Variants in LANCL3 observed in about 807,000 individuals in gnomAD.
LANCL3 encodes lanC-like protein 3.
Under a neutral mutation model 26.5 loss-of-function variants are expected in LANCL3, and 19 were observed. That is an observed-to-expected ratio of 0.72 (90% confidence interval 0.50 to 1.05). The LOEUF (loss-of-function observed/expected upper bound fraction) is 1.05. Among genes scored for constraint, LANCL3 ranks in the 50% least tolerant of loss-of-function variants. The pLI is 0.00. For missense variants in LANCL3, 318 were observed against 362.7 expected (o/e 0.88, Z 1.00); for synonymous variants, 160 against 166.6 (o/e 0.96, Z 0.30).
rs141979031 is a variant in LANCL3 at position 37,625,288 on chromosome X, T to C, written c.574-30400T>C. Among the ~76,000 whole-genome samples, 979 of 111,875 alleles carry C rather than the reference T, an allele frequency of 8.8e-3. 14 individuals are homozygous for C. The highest frequency in any genetic ancestry group is 0.029 in the African/African-American group (908 of 30,837). On this transcript the variant is annotated intron_variant, in intron 1 of 4. Coordinates refer to ENST00000378619, the MANE Select transcript of LANCL3 (RefSeq NM_001170331.2). ...AAAAGTTTTTATTTTTCCTCACTCA[T>C]GGGGCATCTCTGTGTGGATTCAGCT...
intron 1 of LANCL3, among the ~76,000 whole-genome samples, chrX:37,606,832 C>G (rs1479498839): frequency 3.6e-5 from 4 of 112,319 alleles, no homozygotes; most frequent in Non-Finnish European, 7.5e-5. Context: ...AACAGTGTTT[C>G]AAACACTTTT....
chrX:37,578,745 C>T (rs1259283880), intron 1 of LANCL3, among the ~76,000 whole-genome samples: 1 of 110,150 alleles, frequency 9.1e-6, no homozygotes, highest in African/African-American at 3.3e-5. Context: ...TTTGGGAGGC[C>T]GAGGCGGGCA....
intron 4 of LANCL3, among the ~76,000 whole-genome samples, chrX:37,671,029 T>A (rs1926671846): frequency 9.0e-6 from 1 of 111,664 alleles, no homozygotes; most frequent in Admixed American, 9.5e-5. Context: ...CTGAAGTTTA[T>A]CAATTCTAAT....
chrX:37,661,065 A>G (rs1463040770), intron 3 of LANCL3, among the ~76,000 whole-genome samples: 1 of 111,119 alleles, frequency 9.0e-6, no homozygotes, highest in East Asian at 2.8e-4. Context: ...GTTAGCCTCA[A>G]TCCTTCCATT....
chrX:37,609,392 C>A (rs1316174015), intron 1 of LANCL3, among the ~76,000 whole-genome samples: 1 of 111,486 alleles, frequency 9.0e-6, no homozygotes, highest in Non-Finnish European at 1.9e-5. Context: ...CCTGAAGCAG[C>A]TATGAGGGAC....
At chrX:37,597,854 A>G (rs1556419632) in intron 1 of LANCL3, among the ~76,000 whole-genome samples, 1 of 108,704 alleles carries the variant, frequency 9.2e-6, no homozygotes, top group Non-Finnish European at 1.9e-5. Context: ...AATTATAGTT[A>G]TGTTCATTGG....
chrX:37,621,936 G>C (rs1255524934), intron 1 of LANCL3, among the ~76,000 whole-genome samples: 2 of 111,608 alleles, frequency 1.8e-5, no homozygotes, highest in African/African-American at 6.5e-5. Flanking sequence ...GGTGCCGCGT[G>C]AGGATAGTTC....
chrX:37,615,525 T>C (rs1320402214), intron 1 of LANCL3, among the ~76,000 whole-genome samples: 2 of 112,214 alleles, frequency 1.8e-5, no homozygotes, highest in Non-Finnish European at 3.8e-5. Context: ...GGCTATTGAA[T>C]GATAACTAAA....
At chrX:37,590,222 CG>C (rs1569462300) in intron 1 of LANCL3, among the ~76,000 whole-genome samples, 2 of 112,324 alleles carry the variant, frequency 1.8e-5, no homozygotes, top group African/African-American at 6.5e-5. Context: ...CTTAAGTTCT[CG>C]TCTTTGTTTC....
intron 1 of LANCL3, among the ~76,000 whole-genome samples, chrX:37,626,245 T>C (rs1008196869): frequency 1.3e-4 from 15 of 112,349 alleles, no homozygotes; most frequent in African/African-American, 4.5e-4. Flanking sequence ...CCCTTTTCTC[T>C]GAGTTGGTGT....
rs1320457565 is a variant in LANCL3, at chrX:37,678,052, A to G, written c.*2239A>G. The G allele has an allele frequency of 1.8e-5, 2 of 111,947 alleles. No homozygotes were observed. The highest frequency in any genetic ancestry group is 3.8e-5 in the Non-Finnish European group (2 of 53,092). The allele number at this position is 111,947 out of a possible 1,213,427, so 9.2% of individuals were successfully genotyped here. On this transcript the variant is annotated 3_prime_UTR_variant, in exon 5 of 5. Transcript: ENST00000378619. Reference sequence around the variant, plus strand: ...GGCCTATCTGCCCTTTTAAGTTCTGATAGGTCTGATGATGATGTGCTAACC... The same window carrying G: ...GGCCTATCTGCCCTTTTAAGTTCTGGTAGGTCTGATGATGATGTGCTAACC...
intron 1 of LANCL3, among the ~76,000 whole-genome samples, chrX:37,590,901 A>ATACTGC (rs1924252597): frequency 8.9e-6 from 1 of 112,123 alleles, no homozygotes; most frequent in South Asian, 3.7e-4. Context: ...GTTCCCAGTG[A>ATACTGC]TACTGCTACT....
intron 1 of LANCL3, among the ~76,000 whole-genome samples, chrX:37,651,984 T>A (rs919364703): frequency 9.2e-6 from 1 of 108,282 alleles, no homozygotes; most frequent in Non-Finnish European, 1.9e-5. Context: ...ATGGACCCAT[T>A]CCTGACCTGT....
At chrX:37,626,837 C>T (rs782768390) in intron 1 of LANCL3, among the ~76,000 whole-genome samples, 3 of 111,900 alleles carry the variant, frequency 2.7e-5, no homozygotes, top group African/African-American at 9.7e-5. Flanking sequence ...ACCAAAGGCA[C>T]TGATTTTAAA....
At position 37,676,086 on chromosome X, in the gene LANCL3, T is replaced by A; in HGVS notation, c.*273T>A. 4.9e-6 allele frequency: 1 copy of A among 205,938 alleles called. No individual in the cohort carries two copies. Among genetic ancestry groups the A allele is most frequent in the East Asian group, 8.5e-5 (1 of 11,710 alleles). The allele number at this position is 205,938 out of a possible 1,213,427, so 17.0% of individuals were successfully genotyped here. A position where few individuals can be genotyped will look rare whatever the true frequency, so the allele number is the denominator to read the frequency against. On this transcript the variant is annotated 3_prime_UTR_variant, in exon 5 of 5. Coordinates refer to ENST00000378619, the MANE Select transcript of LANCL3 (RefSeq NM_001170331.2). Reference sequence around the variant, plus strand: ...ATAGGAAAAGGGGAAAGAGAAATGATCTGTTTTTCAGTTATGACATAGAAA... The same window carrying A: ...ATAGGAAAAGGGGAAAGAGAAATGAACTGTTTTTCAGTTATGACATAGAAA...
At chrX:37,620,835 C>G (rs1925135345) in intron 1 of LANCL3, among the ~76,000 whole-genome samples, 1 of 111,892 alleles carries the variant, frequency 8.9e-6, no homozygotes, top group Admixed American at 9.5e-5. Context: ...GACCTTGTCT[C>G]TGGAACAATC....
At chrX:37,661,829 C>T (rs1377805197) in intron 3 of LANCL3, among the ~76,000 whole-genome samples, 7 of 112,434 alleles carry the variant, frequency 6.2e-5, no homozygotes, top group Non-Finnish European at 9.4e-5. Flanking sequence ...ATTAATGATA[C>T]CTTATCTGTT....
At chrX:37,654,856 A>C (rs1235216712) in intron 1 of LANCL3, among the ~76,000 whole-genome samples, 1 of 112,061 alleles carries the variant, frequency 8.9e-6, no homozygotes, top group African/African-American at 3.3e-5. Flanking sequence ...CAACAGAGAG[A>C]GATCTAACAC....
intron 1 of LANCL3, among the ~76,000 whole-genome samples, chrX:37,603,825 T>C (rs959937102): frequency 8.9e-6 from 1 of 112,450 alleles, no homozygotes; most frequent in African/African-American, 3.2e-5. Flanking sequence ...TTGAAGTTGA[T>C]AGGCATGAGC....
Sources: allele counts gnomAD v4.1 joint callset (sites outside exome capture counted in the v4.1 genomes callset), GRCh38; gene constraint gnomAD v4.1.1; transcripts MANE v1.5; gene names NCBI Gene and HGNC (gene_info 2026-07-23, HGNC 2026-07-21).